Variants in PTPN14 observed in about 807,000 individuals in gnomAD.
The protein encoded by PTPN14 is tyrosine-protein phosphatase non-receptor type 14.
A neutral mutation model predicts 126.8 loss-of-function variants in PTPN14; 53 were observed. The observed-to-expected ratio is 0.42, with a 90% CI of 0.34 to 0.53. The LOEUF is 0.53. PTPN14 is among the 20% of genes least tolerant of loss of function. The probability of loss-of-function intolerance (pLI) is 0.08; values close to 1 mark genes in which losing one functional copy is unlikely to be tolerated. For synonymous variants in PTPN14, 630 were observed against 599.3 expected (o/e 1.05, Z -0.75); for missense variants, 1,257 against 1,552.9 (o/e 0.81, Z 3.20).
rs1441017977 is a variant in PTPN14 at position 214,414,827 on chromosome 1, C to A, written c.345-101G>T. On this transcript the variant is annotated intron_variant, in intron 3 of 18. Coordinates refer to ENST00000366956, the MANE Select transcript of PTPN14 (RefSeq NM_005401.5). ...TAGATGTAAAACCTTGTGTACACAG[C>A]AGGACATGCCTGTGATGCTGATAAA... 7 of 880,508 alleles carry A rather than the reference C, an allele frequency of 7.9e-6. No individual in the cohort carries two copies. In the African/African-American group the frequency reaches 1.2e-4, roughly 15 times the overall value. The allele number at this position is 880,508 out of a possible 1,614,324, so 54.5% of individuals were successfully genotyped here.
intron 1 of PTPN14, among the ~76,000 whole-genome samples, chr1:214,497,364 T>TA (rs1297915720): frequency 7.2e-5 from 11 of 152,232 alleles, no homozygotes; most frequent in South Asian, 2.1e-4. Flanking sequence ...TCTATCAAGT[T>TA]AAAAAAATTA....
At chr1:214,401,836 C>T (rs758003541) in intron 6 of PTPN14, 64 bp from the exon 7 acceptor site, 19 of 1,307,090 alleles carry the variant, frequency 1.5e-5, no homozygotes, top group Non-Finnish European at 2.1e-5. Flanking sequence ...ATCCCACTCT[C>T]CTGATGGCAA....
chr1:214,460,996 A>G (rs1170863740), intron 2 of PTPN14, among the ~76,000 whole-genome samples: 4 of 151,934 alleles, frequency 2.6e-5, no homozygotes, highest in African/African-American at 9.7e-5. Context: ...TAATCATAAC[A>G]AATGTACCAC....
chr1:214,357,873 T>G lies in PTPN14; in HGVS notation c.*49A>C, dbSNP rs753899999. The G allele has an allele frequency of 5.1e-6, 8 of 1,577,974 alleles. No individual in the cohort carries two copies. The highest frequency in any genetic ancestry group is 6.1e-6 in the Non-Finnish European group (7 of 1,150,862). On this transcript the variant is annotated 3_prime_UTR_variant, in exon 19 of 19. Coordinates refer to ENST00000366956, the MANE Select transcript of PTPN14 (RefSeq NM_005401.5). ...AGATGTTGTCTGGAGGTGACTCTCC[T>G]CCAGCGCGATGGAGCTGGGTCCCTC...
rs1660100085 is a variant in PTPN14, at chr1:214,444,495, A to G, written c.344+7310T>C. ...ATTTCAAAATAATAAAAGAACTAAA[A>G]GAACTGGAGGAACAAAATAAAGGGT... On this transcript the variant is annotated intron_variant, in intron 3 of 18. Transcript: ENST00000366956. Among the ~76,000 whole-genome samples the G allele has an allele frequency of 3.3e-5, 5 of 152,332 alleles. No individual in the cohort carries two copies. The South Asian group carries it at 8.3e-4, about 25-fold the overall frequency.
At chr1:214,416,153 A>G (rs1454546538) in intron 3 of PTPN14, among the ~76,000 whole-genome samples, 1 of 152,224 alleles carries the variant, frequency 6.6e-6, no homozygotes. Context: ...GATGCTGAGT[A>G]GTATCTTGGA....
intron 1 of PTPN14, among the ~76,000 whole-genome samples, chr1:214,520,264 T>C (rs1655222782): frequency 6.6e-6 from 1 of 151,406 alleles, no homozygotes; most frequent in African/African-American, 2.4e-5. Context: ...GAAACTGTCC[T>C]CTTTTCTTTT....
intron 1 of PTPN14, among the ~76,000 whole-genome samples, chr1:214,504,454 A>G (rs754401682): frequency 6.6e-6 from 1 of 152,116 alleles, no homozygotes; most frequent in African/African-American, 2.4e-5. Context: ...TGTCGCACCA[A>G]AACTGCCTTC....
chr1:214,476,860 T>C (rs1325924248), intron 1 of PTPN14, among the ~76,000 whole-genome samples: 1 of 152,142 alleles, frequency 6.6e-6, no homozygotes, highest in East Asian at 1.9e-4. Flanking sequence ...ATGGTAAGCA[T>C]TGGTTATGTG....
intron 3 of PTPN14, among the ~76,000 whole-genome samples, chr1:214,429,620 AT>A (rs1350148934): frequency 6.6e-6 from 1 of 152,148 alleles, no homozygotes; most frequent in African/African-American, 2.4e-5. Context: ...GTAAATATTT[AT>A]TTTTTTATCC....
chr1:214,464,943 C>A lies in PTPN14; in HGVS notation c.-140G>T, dbSNP rs184033306. The A allele has an allele frequency of 1.0e-4, 108 of 1,038,430 alleles. No homozygotes were observed. In the East Asian group the frequency reaches 2.7e-3, roughly 26 times the overall value. 64.3% of individuals were successfully genotyped at this position (1,038,430 alleles called of 1,614,324 possible). On this transcript the variant is annotated 5_prime_UTR_variant, in exon 2 of 19. Transcript: ENST00000366956. Reference sequence around the variant, plus strand: ...AAAAGGGTGTCCATGCCCAGTGTGGCCCTCTGGAAGATAGCTGTAAATGCA... The same window carrying A: ...AAAAGGGTGTCCATGCCCAGTGTGGACCTCTGGAAGATAGCTGTAAATGCA...
At chr1:214,485,757 G>A (rs1361948737) in intron 1 of PTPN14, among the ~76,000 whole-genome samples, 6 of 151,086 alleles carry the variant, frequency 4.0e-5, no homozygotes, top group African/African-American at 9.7e-5. Flanking sequence ...ACGGAGTCTC[G>A]CTCTGTCGCC....
intron 1 of PTPN14, among the ~76,000 whole-genome samples, chr1:214,526,813 C>T (rs1289965256): frequency 1.3e-5 from 2 of 152,096 alleles, no homozygotes; most frequent in South Asian, 2.1e-4. Context: ...GCAGGTGGGC[C>T]GGGCGCGGTG....
intron 1 of PTPN14, among the ~76,000 whole-genome samples, chr1:214,486,015 C>T (rs1280463729): frequency 6.6e-6 from 1 of 152,118 alleles, no homozygotes; most frequent in South Asian, 2.1e-4. Flanking sequence ...CGTGAGCCAC[C>T]GCACCCGGCC....
At chr1:214,508,784 C>T (rs1654901780) in intron 1 of PTPN14, among the ~76,000 whole-genome samples, 1 of 152,220 alleles carries the variant, frequency 6.6e-6, no homozygotes, top group South Asian at 2.1e-4. Flanking sequence ...CGAAATTACT[C>T]CTTGATCCAT....
At chr1:214,481,509 C>CT (rs1660986051) in intron 1 of PTPN14, among the ~76,000 whole-genome samples, 1 of 10,418 alleles carries the variant, frequency 9.6e-5, no homozygotes, top group Non-Finnish European at 1.6e-4. Flanking sequence ...GAAACTCCCG[C>CT]TCAAAAAAAA....
At chr1:214,517,456 G>A (rs1341609059) in intron 1 of PTPN14, among the ~76,000 whole-genome samples, 1 of 149,688 alleles carries the variant, frequency 6.7e-6, no homozygotes, top group East Asian at 2.0e-4. Context: ...GTACTGCTAG[G>A]TCAACTCACC....
chr1:214,537,041 A>G lies in PTPN14; in HGVS notation c.-155+14142T>C, dbSNP rs980288702. Among the ~76,000 whole-genome samples the G allele has an allele frequency of 1.1e-4, 17 of 152,354 alleles. No individual in the cohort carries two copies. The South Asian group carries it at 2.7e-3, about 24-fold the overall frequency. On this transcript the variant is annotated intron_variant, in intron 1 of 18. Transcript: ENST00000366956. ...GCTATGAAATATACCCACGTCTCTC[A>G]GTTACAAAAGAATCTGGTATGCTTC...
rs17730380 is a variant in PTPN14, at chr1:214,355,835, G to A, written c.*2087C>T. ...ATGTCACTCCATCTTTTTAGCTCAC[G>A]GGGGACAAAAGCAGCAATGAAGAAA... On this transcript the variant is annotated 3_prime_UTR_variant, in exon 19 of 19. Coordinates refer to ENST00000366956, the MANE Select transcript of PTPN14 (RefSeq NM_005401.5). The A allele has an allele frequency of 0.26, 40,013 of 151,948 alleles. 5,650 individuals carry two copies. Among genetic ancestry groups the A allele is most frequent in the Non-Finnish European group, 0.32 (21,553 of 67,962 alleles). 9.4% of individuals were successfully genotyped at this position (151,948 alleles called of 1,614,324 possible). A position where few individuals can be genotyped will look rare whatever the true frequency, so the allele number is the denominator to read the frequency against.
Sources: gnomAD v4.1 joint callset for allele counts (sites outside exome capture counted in the v4.1 genomes callset) on GRCh38, gnomAD v4.1.1 for gene constraint, MANE v1.5 for transcripts, NCBI Gene and HGNC (gene_info 2026-07-23, HGNC 2026-07-21) for gene names.